Variants in GRIA1 observed in about 807,000 individuals in gnomAD.
GRIA1 encodes glutamate ionotropic receptor AMPA type subunit 1.
In GRIA1, 31 loss-of-function variants were observed where a neutral mutation model predicts 99.2. The ratio of observed to expected loss-of-function variants is 0.31; its 90% CI spans 0.23 to 0.42. The LOEUF (loss-of-function observed/expected upper bound fraction) is 0.42. GRIA1 is among the 10% of genes least tolerant of loss of function. The probability of loss-of-function intolerance (pLI) is 1.00; values close to 1 mark genes in which losing one functional copy is unlikely to be tolerated. For missense variants in GRIA1, 782 were observed against 1,157.5 expected (o/e 0.68, Z 4.71); for synonymous variants, 438 against 432.4 (o/e 1.01, Z -0.16).
At chr5:153,492,512 T>C (rs1163681057) in intron 1 of GRIA1, among the ~76,000 whole-genome samples, 5 of 152,056 alleles carry the variant, frequency 3.3e-5, no homozygotes, top group Non-Finnish European at 5.9e-5. Flanking sequence ...TAATCAAGAA[T>C]TTTTTTTGTT....
chr5:153,808,265 C>T (rs565498772), intron 15 of GRIA1, among the ~76,000 whole-genome samples: 3 of 152,214 alleles, frequency 2.0e-5, no homozygotes, highest in African/African-American at 7.2e-5. Flanking sequence ...AAAAACACCA[C>T]CACCACCCTC....
At chr5:153,541,531 G>A (rs1370662955) in intron 2 of GRIA1, among the ~76,000 whole-genome samples, 1 of 152,102 alleles carries the variant, frequency 6.6e-6, no homozygotes, top group East Asian at 1.9e-4. Flanking sequence ...CATGATGCAG[G>A]TATTAACTCT....
At chr5:153,505,908 G>A (rs1165255401) in intron 2 of GRIA1, among the ~76,000 whole-genome samples, 1 of 152,218 alleles carries the variant, frequency 6.6e-6, no homozygotes, top group Non-Finnish European at 1.5e-5. Flanking sequence ...GCATTTCAAA[G>A]GAGGTGACTT....
chr5:153,522,597 C>T (rs1757249897), intron 2 of GRIA1, among the ~76,000 whole-genome samples: 1 of 152,146 alleles, frequency 6.6e-6, no homozygotes, highest in Non-Finnish European at 1.5e-5. Context: ...AGAGGCATTG[C>T]TCCTCATGCT....
At chr5:153,715,130 T>C (rs1358937667) in intron 11 of GRIA1, among the ~76,000 whole-genome samples, 1 of 152,156 alleles carries the variant, frequency 6.6e-6, no homozygotes, top group Non-Finnish European at 1.5e-5. Flanking sequence ...TCTGTGTGTC[T>C]CACTTTTTCC....
chr5:153,697,278 T>C (rs1185654448), intron 8 of GRIA1, among the ~76,000 whole-genome samples: 1 of 152,202 alleles, frequency 6.6e-6, no homozygotes, highest in African/African-American at 2.4e-5. Context: ...ACCAGAGGCG[T>C]TCTCAGAGCA....
chr5:153,577,382 A>G (rs1040180464), intron 2 of GRIA1, among the ~76,000 whole-genome samples: 3 of 152,216 alleles, frequency 2.0e-5, no homozygotes, highest in Non-Finnish European at 4.4e-5. Context: ...GATAGGGACC[A>G]AGATGGTATG....
chr5:153,655,893 T>G, intron 5 of GRIA1, 21 bp downstream of exon 5: 1 of 1,610,026 alleles, frequency 6.2e-7, no homozygotes, highest in Non-Finnish European at 8.5e-7. Flanking sequence ...CACTGCAGGC[T>G]CTCAGCTCAA....
intron 11 of GRIA1, among the ~76,000 whole-genome samples, chr5:153,760,990 C>A (rs1226636123): frequency 6.6e-6 from 1 of 152,000 alleles, no homozygotes; most frequent in African/African-American, 2.4e-5. Flanking sequence ...CAGAATTAGA[C>A]TAGATCCCTA....
At position 153,692,662 on chromosome 5, in the gene GRIA1, T is replaced by C. The variant is rs1757844967; in HGVS notation, c.1135-5382T>C. Among the ~76,000 whole-genome samples, 4 of 152,236 alleles carry C rather than the reference T, an allele frequency of 2.6e-5. No individual in the cohort carries two copies. In the South Asian group the frequency reaches 8.3e-4, roughly 32 times the overall value. ...AGCTTGTCAACCCCTGGTCTGGATA[T>C]GTATTTTCTTCATACTTCTCTACCT... On this transcript the variant is annotated intron_variant, in intron 8 of 15. Transcript: ENST00000285900.
chr5:153,574,020 G>A lies in GRIA1; in HGVS notation c.221-72908G>A, dbSNP rs547665276. Among the ~76,000 whole-genome samples the A allele has an allele frequency of 5.3e-5, 8 of 152,310 alleles. No homozygotes were observed. The East Asian group carries it at 9.6e-4, about 18-fold the overall frequency. ...CAGAGTACTCACCAACTACCAAGCT[G>A]CCTTAAAATAAAAACATTCAAGAAC... On this transcript the variant is annotated intron_variant, in intron 2 of 15. Coordinates refer to ENST00000285900, the MANE Select transcript of GRIA1 (RefSeq NM_000827.4).
intron 13 of GRIA1, among the ~76,000 whole-genome samples, chr5:153,792,240 G>C (rs2926837): frequency 0.72 from 110,018 of 152,150 alleles, 40,315 homozygotes; most frequent in East Asian, 0.95. Context: ...TAAATTCCTC[G>C]TACCTCACCC....
chr5:153,542,324 A>G (rs1193993817), intron 2 of GRIA1, among the ~76,000 whole-genome samples: 1 of 152,128 alleles, frequency 6.6e-6, no homozygotes, highest in East Asian at 1.9e-4. Flanking sequence ...AGATATTCAA[A>G]TCCTCTCTTT....
chr5:153,665,674 G>A (rs1755692122), intron 5 of GRIA1, among the ~76,000 whole-genome samples: 1 of 152,170 alleles, frequency 6.6e-6, no homozygotes, highest in African/African-American at 2.4e-5. Flanking sequence ...GTAGATCAAA[G>A]CTGGAAGAGC....
At chr5:153,663,685 A>G (rs1755537796) in intron 5 of GRIA1, among the ~76,000 whole-genome samples, 1 of 152,232 alleles carries the variant, frequency 6.6e-6, no homozygotes, top group African/African-American at 2.4e-5. Context: ...GTAAGATCTC[A>G]ATTTGTTCTA....
intron 11 of GRIA1, among the ~76,000 whole-genome samples, chr5:153,745,589 C>CAAAAAAA (rs58166158): frequency 2.0e-5 from 2 of 100,886 alleles, no homozygotes; most frequent in African/African-American, 3.8e-5. Context: ...AACTCTGTCT[C>CAAAAAAA]AAAAAAAAAA....
At chr5:153,767,156 A>G (rs1388959617) in intron 12 of GRIA1, among the ~76,000 whole-genome samples, 1 of 152,210 alleles carries the variant, frequency 6.6e-6, no homozygotes, top group Non-Finnish European at 1.5e-5. Flanking sequence ...CTGAAAAAAA[A>G]GGCATAATTA....
At chr5:153,497,944 A>G (rs1754604764) in intron 2 of GRIA1, among the ~76,000 whole-genome samples, 1 of 152,106 alleles carries the variant, frequency 6.6e-6, no homozygotes, top group South Asian at 2.1e-4. Context: ...TGAAGAGTGG[A>G]GTTTGTCTCT....
Position 153,645,341 on chromosome 5 carries a change from T to A in GRIA1, c.221-1587T>A, listed in dbSNP as rs574208041. Reference sequence around the variant, plus strand: ...TGGTTCAGCTGCAATCTTTAAGAGATTATGACCTTTAAAGCCCATTTTCTC... The same window carrying A: ...TGGTTCAGCTGCAATCTTTAAGAGAATATGACCTTTAAAGCCCATTTTCTC... On this transcript the variant is annotated intron_variant, in intron 2 of 15. Transcript: ENST00000285900. Among the ~76,000 whole-genome samples, 3 of 152,254 alleles carry A rather than the reference T, an allele frequency of 2.0e-5. No homozygotes were observed. In the South Asian group the frequency reaches 6.2e-4, roughly 32 times the overall value.
Sources: allele counts gnomAD v4.1 joint callset (sites outside exome capture counted in the v4.1 genomes callset), GRCh38; gene constraint gnomAD v4.1.1; transcripts MANE v1.5; gene names NCBI Gene and HGNC (gene_info 2026-07-23, HGNC 2026-07-21).